The following FNDC3A variants were observed in gnomAD, a reference collection of about 807,000 sequenced individuals.
FNDC3A encodes the protein fibronectin type-III domain-containing protein 3A.
Under a neutral mutation model 148.9 loss-of-function variants are expected in FNDC3A, and 32 were observed. That is an observed-to-expected ratio of 0.21 (90% CI 0.16 to 0.29). The LOEUF (loss-of-function observed/expected upper bound fraction) is 0.29, where lower values mean the gene tolerates loss of function less well. FNDC3A is among the 10% of genes least tolerant of loss of function. The pLI, the probability that FNDC3A is intolerant of heterozygous loss-of-function variation, is 1.00. For missense variants in FNDC3A, 1,191 were observed against 1,452.8 expected (o/e 0.82, Z 2.93); for synonymous variants, 472 against 473.6 (o/e 1.00, Z 0.04).
chr13:49,087,399 C>T lies in FNDC3A; in HGVS notation c.175+12035C>T, dbSNP rs572884526. On this transcript the variant is annotated intron_variant, in intron 3 of 25. Coordinates refer to ENST00000492622, the MANE Select transcript of FNDC3A (RefSeq NM_001079673.2). Reference sequence around the variant, plus strand: ...GATCTAAGCCTTCTTTTGAGCTGGCCTCACAAAATGCTATTTTATTACGTA... The same window carrying T: ...GATCTAAGCCTTCTTTTGAGCTGGCTTCACAAAATGCTATTTTATTACGTA... 3.9e-5 allele frequency among the ~76,000 whole-genome samples: 6 copies of T among 152,144 alleles called. No homozygotes were observed. The East Asian group carries it at 5.8e-4, about 15-fold the overall frequency.
intron 2 of FNDC3A, among the ~76,000 whole-genome samples, chr13:49,051,191 A>G (rs1166528639): frequency 2.0e-5 from 3 of 151,912 alleles, no homozygotes; most frequent in Admixed American, 2.0e-4. Flanking sequence ...TCATTGCACT[A>G]TTTGTTGCCT....
intron 1 of FNDC3A, among the ~76,000 whole-genome samples, chr13:48,980,090 A>T (rs1052849827): frequency 6.6e-6 from 1 of 152,156 alleles, no homozygotes; most frequent in South Asian, 2.1e-4. Flanking sequence ...ATGTAGAAAT[A>T]AGTGCTTCTG....
In FNDC3A at chr13:49,114,410, T is replaced by TC. The variant is rs71188346; in HGVS notation, c.176-241dup. Reference sequence around the variant, plus strand: ...ATATGTTTTAAAAAGCCCTCCAACCTCCCCGCCCCCCACCACCCCTACCCC... The same window carrying TC: ...ATATGTTTTAAAAAGCCCTCCAACCTCCCCCGCCCCCCACCACCCCTACCCC... On this transcript the variant is annotated intron_variant, in intron 3 of 25. Coordinates refer to ENST00000492622, the MANE Select transcript of FNDC3A (RefSeq NM_001079673.2). Among the ~76,000 whole-genome samples the TC allele has an allele frequency of 8.9e-3, 730 of 81,598 alleles. 12 individuals carry two copies. Among genetic ancestry groups the TC allele is most frequent in the East Asian group, 0.018 (65 of 3,580 alleles). The allele number at this position is 81,598 out of a possible 152,430, so 53.5% of individuals were successfully genotyped here. A position where few individuals can be genotyped will look rare whatever the true frequency, so the allele number is the denominator to read the frequency against.
At chr13:49,035,577 T>A (rs1874434290) in intron 2 of FNDC3A, among the ~76,000 whole-genome samples, 1 of 152,028 alleles carries the variant, frequency 6.6e-6, no homozygotes, top group Non-Finnish European at 1.5e-5. Flanking sequence ...ATGACTTTAT[T>A]TCTGTAGAAA....
At chr13:49,040,521 T>G (rs541498430) in intron 2 of FNDC3A, among the ~76,000 whole-genome samples, 53 of 152,334 alleles carry the variant, frequency 3.5e-4, no homozygotes, top group African/African-American at 1.2e-3. Flanking sequence ...AGAAACATAG[T>G]GCAGAATTTT....
At chr13:48,996,661 A>G (rs1952029566) in intron 1 of FNDC3A, among the ~76,000 whole-genome samples, 1 of 152,214 alleles carries the variant, frequency 6.6e-6, no homozygotes, top group African/African-American at 2.4e-5. Flanking sequence ...AATCCCCTGT[A>G]GAAACCAAGG....
intron 3 of FNDC3A, 151 bp from the exon 4 acceptor site, chr13:49,114,504 C>A: frequency 1.7e-5 from 5 of 292,870 alleles, no homozygotes; most frequent in Non-Finnish European, 2.7e-5. Context: ...ATTTTTATAA[C>A]AAGTCAATCA....
intron 2 of FNDC3A, among the ~76,000 whole-genome samples, chr13:49,063,313 A>G (rs1245669699): frequency 6.6e-6 from 1 of 152,262 alleles, no homozygotes; most frequent in Admixed American, 6.5e-5. Flanking sequence ...TTTTAAAAGG[A>G]AAGAAACTCT....
At chr13:49,190,749 G>C in intron 17 of FNDC3A, among the ~76,000 whole-genome samples, 1 of 152,162 alleles carries the variant, frequency 6.6e-6, no homozygotes, top group Admixed American at 6.5e-5. Context: ...AGGAAAGGAA[G>C]GGTTCATTGA....
chr13:49,102,244 G>A lies in FNDC3A; in HGVS notation c.176-12411G>A, dbSNP rs186947271. On this transcript the variant is annotated intron_variant, in intron 3 of 25. Transcript: ENST00000492622. ...GCTTGTGTTTTGGTTTGGTTTTGGT[G>A]CTACATATATCTTAAATCACCTTAA... 2.0e-5 allele frequency among the ~76,000 whole-genome samples: 3 copies of A among 151,630 alleles called. No individual in the cohort carries two copies. The East Asian group carries it at 5.8e-4, about 29-fold the overall frequency.
At chr13:49,172,549 C>T (rs986749769) in intron 11 of FNDC3A, among the ~76,000 whole-genome samples, 34 of 152,282 alleles carry the variant, frequency 2.2e-4, no homozygotes, top group African/African-American at 8.2e-4. Flanking sequence ...TTGCCTTGAC[C>T]AGCTTCTGTA....
chr13:49,057,584 T>C (rs1876344564), intron 2 of FNDC3A, among the ~76,000 whole-genome samples: 1 of 152,188 alleles, frequency 6.6e-6, no homozygotes, highest in African/African-American at 2.4e-5. Context: ...TTTTAGGATA[T>C]CCAATATTCA....
rs1242753462 is a variant in FNDC3A, at chr13:49,197,819, T to C, written c.2435T>C (p.Leu812Pro). The change falls in exon 21 of 26, where the codon CTC (leucine) becomes CCC (proline). Residue 812 changes from leucine (L) to proline (P), a missense_variant. Physicochemically the swap from Leu to Pro is moderately conservative, Grantham distance 98. Coordinates refer to ENST00000492622, the MANE Select transcript of FNDC3A (RefSeq NM_001079673.2). The stretch of plus-strand genomic sequence containing the variant: ...CAGATATGTTACTGTGGGCCTGGTC[T>C]CAGTTATGAAATAAAAGGACTTTCA... ...SMQICYCGPG[L>P]SYEIKGLSPA... 1 of 1,608,906 alleles carries C rather than the reference T, an allele frequency of 6.2e-7. No individual in the cohort carries two copies. The highest frequency in any genetic ancestry group is 1.3e-5 in the African/African-American group (1 of 74,482).
chr13:49,202,474 T>C (rs1421814434), intron 24 of FNDC3A, among the ~76,000 whole-genome samples: 2 of 152,192 alleles, frequency 1.3e-5, no homozygotes, highest in Non-Finnish European at 2.9e-5. Flanking sequence ...GGTTCTTATT[T>C]TAAAGTGACT....
chr13:49,065,362 T>C (rs1877196339), intron 2 of FNDC3A, among the ~76,000 whole-genome samples: 1 of 152,104 alleles, frequency 6.6e-6, no homozygotes, highest in Non-Finnish European at 1.5e-5. Context: ...AAGCCCAGAG[T>C]TAGTATTGAG....
intron 8 of FNDC3A, among the ~76,000 whole-genome samples, chr13:49,162,942 C>T (rs1884243058): frequency 6.6e-6 from 1 of 152,208 alleles, no homozygotes; most frequent in South Asian, 2.1e-4. Context: ...CCAGCGGAGG[C>T]TGCAGAACAG....
chr13:49,072,004 C>CAA, intron 2 of FNDC3A, among the ~76,000 whole-genome samples: 1 of 152,230 alleles, frequency 6.6e-6, no homozygotes, highest in East Asian at 1.9e-4. Flanking sequence ...CTTTGCTGTG[C>CAA]AAAAGCTTTT....
At position 49,017,538 on chromosome 13, in the gene FNDC3A, G is replaced by T. The variant is rs148011206; in HGVS notation, c.99+11249G>T. Among the ~76,000 whole-genome samples the T allele has an allele frequency of 5.9e-3, 903 of 152,186 alleles. 2 individuals carry two copies. Among genetic ancestry groups the T allele is most frequent in the Non-Finnish European group, 0.01 (714 of 68,012 alleles). On this transcript the variant is annotated intron_variant, in intron 2 of 25. Transcript: ENST00000492622. ...TTTCCTGAATACAGCACACTGATGG[G>T]TCCTGACTTTTTATCAAATTTGCCA...
intron 3 of FNDC3A, among the ~76,000 whole-genome samples, chr13:49,104,500 GGTGGC>G (rs1386149708): frequency 0.013 from 6 of 454 alleles, no homozygotes; most frequent in African/African-American, 0.043. Context: ...CTCCAGCCCA[GGTGGC>G]CCAGGTGACA....
Sources: gnomAD v4.1 joint callset for allele counts (sites outside exome capture counted in the v4.1 genomes callset) on GRCh38, gnomAD v4.1.1 for gene constraint, MANE v1.5 for transcripts, NCBI Gene and HGNC (gene_info 2026-07-23, HGNC 2026-07-21) for gene names.